Variants in FREM1 observed in about 807,000 individuals in gnomAD.
FREM1 encodes the protein FRAS1-related extracellular matrix protein 1.
Under a neutral mutation model 210.1 loss-of-function variants are expected in FREM1, and 220 were observed. That is an observed-to-expected ratio of 1.05 (90% CI 0.94 to 1.17). The LOEUF is 1.17. FREM1 is among the 50% of genes most tolerant of loss of function. FREM1 has a pLI of 0.00. For missense variants in FREM1, 3,454 were observed against 2,675.5 expected, an observed-to-expected ratio of 1.29 and a Z score of -6.42; for synonymous variants, 1,189 against 980.2, an observed-to-expected ratio of 1.21 and a Z score of -3.98.
At position 14,784,511 on chromosome 9, in the gene FREM1, G is replaced by A; in HGVS notation, c.4301C>T (p.Thr1434Ile). Residue 1434 changes from threonine (T) to isoleucine (I), a missense_variant, in exon 24 of 37, where the codon ACC (threonine) becomes ATC (isoleucine). Physicochemically the swap from Thr to Ile is moderately conservative, Grantham distance 89. Transcript: ENST00000380880. ...GATCTGGCCATATCGCGGAGGGGAG[G>A]TGATGACATAGAGCAGTTCCTCAGG... The part of the protein sequence containing the change: ...DKPEELLYVI[T>I]SPPRYGQIEY... The A allele has an allele frequency of 1.2e-6, 2 of 1,613,876 alleles. No individual in the cohort carries two copies. Among genetic ancestry groups the A allele is most frequent in the African/African-American group, 1.3e-5 (1 of 75,020 alleles).
intron 1 of FREM1, among the ~76,000 whole-genome samples, chr9:14,883,336 T>A (rs1391632583): frequency 6.6e-6 from 1 of 152,214 alleles, no homozygotes; most frequent in Non-Finnish European, 1.5e-5. Context: ...CAACTGAGCC[T>A]AGACTGAAGG....
At chr9:14,778,303 C>G (rs1450289399) in intron 24 of FREM1, among the ~76,000 whole-genome samples, 1 of 151,354 alleles carries the variant, frequency 6.6e-6, no homozygotes, top group Non-Finnish European at 1.5e-5. Context: ...TTATAAAAAT[C>G]AATTATTTAT....
rs1388779999 is a variant in FREM1, at chr9:14,859,232, T to C, written c.582A>G (p.Arg194=). The C allele has an allele frequency of 6.2e-7, 1 of 1,609,460 alleles. No individual in the cohort carries two copies. Among genetic ancestry groups the C allele is most frequent in the African/African-American group, 1.3e-5 (1 of 74,756 alleles). ...GCTGATCTCCACGAGGTTCTTCTGG[T>C]CGAGGCTCCCCGAGAACCATCTGGC... The part of the protein sequence containing the change: ...AHGQMVLGEP[R]PEEPRGDQPH... The change falls in exon 4 of 37, where the codon CGA becomes CGG. Residue 194 remains arginine (R), a synonymous_variant. Transcript: ENST00000380880.
At position 14,841,491 on chromosome 9, in the gene FREM1, C is replaced by T. The variant is rs1825691124; in HGVS notation, c.1837G>A (p.Val613Ile). 3.1e-6 allele frequency: 5 copies of T among 1,611,544 alleles called. No individual in the cohort carries two copies. The highest frequency in any genetic ancestry group is 4.2e-6 in the Non-Finnish European group (5 of 1,178,320). ...GGAGGTTCATGGCTGTCCCACAGGA[C>T]AAATTGAAAAGAATCTTCAAAGATT... ...GEIFEDSFQF[V>I]LWDSHEPPNL... The change falls in exon 10 of 37, where the codon GTC (valine) becomes ATC (isoleucine). Residue 613 changes from valine to isoleucine, a missense_variant. By Grantham distance (29) the Val-to-Ile change is conservative (BLOSUM62 3). Transcript: ENST00000380880.
chr9:14,840,741 C>G (rs1056017382), intron 10 of FREM1, among the ~76,000 whole-genome samples: 7 of 152,142 alleles, frequency 4.6e-5, no homozygotes, highest in Admixed American at 2.6e-4. Flanking sequence ...TTTAAAATCT[C>G]TATTATCAAC....
intron 24 of FREM1, chr9:14,782,327 T>A (rs1223748786): frequency 1.0e-6 from 1 of 977,344 alleles, no homozygotes; most frequent in Admixed American, 6.1e-5. Flanking sequence ...AATCGTTTCA[T>A]ACGGAGGTTT....
intron 1 of FREM1, among the ~76,000 whole-genome samples, chr9:14,875,543 T>A (rs1406286130): frequency 6.6e-6 from 1 of 152,208 alleles, no homozygotes; most frequent in African/African-American, 2.4e-5. Context: ...TTTAAGCACT[T>A]CTCTGTATTG....
At chr9:14,826,873 T>A (rs1822554955) in intron 10 of FREM1, among the ~76,000 whole-genome samples, 1 of 152,184 alleles carries the variant, frequency 6.6e-6, no homozygotes, top group South Asian at 2.1e-4. Context: ...AGAGCAGCCC[T>A]CATCAGACAC....
chr9:14,824,252 T>A, intron 11 of FREM1, 137 bp from the exon 12 acceptor site: 1 of 601,148 alleles, frequency 1.7e-6, no homozygotes, highest in Non-Finnish European at 3.0e-6. Flanking sequence ...TCTCTTTATG[T>A]TGGGAGATTC....
At chr9:14,873,974 G>T (rs1399825188) in intron 1 of FREM1, among the ~76,000 whole-genome samples, 1 of 152,140 alleles carries the variant, frequency 6.6e-6, no homozygotes, top group South Asian at 2.1e-4. Flanking sequence ...GTAGTTGAGT[G>T]GTTTTGAGTG....
At chr9:14,810,302 A>G (rs1489695927) in intron 16 of FREM1, among the ~76,000 whole-genome samples, 1 of 152,222 alleles carries the variant, frequency 6.6e-6, no homozygotes, top group East Asian at 1.9e-4. Context: ...TAATGGAAGC[A>G]TAGGATATAT....
At chr9:14,870,651 A>C (rs1383817867) in intron 1 of FREM1, among the ~76,000 whole-genome samples, 1 of 151,334 alleles carries the variant, frequency 6.6e-6, no homozygotes, top group African/African-American at 2.4e-5. Context: ...TTTTTATTTT[A>C]ATTCATTTTA....
chr9:14,770,486 A>G lies in FREM1; in HGVS notation c.5059+119T>C, dbSNP rs1847338329. 7.3e-6 allele frequency: 5 copies of G among 688,280 alleles called. No homozygotes were observed. The South Asian group carries it at 7.4e-5, about 10-fold the overall frequency. The allele number at this position is 688,280 out of a possible 1,614,324, so 42.6% of individuals were successfully genotyped here. Reference sequence around the variant, plus strand: ...CAATATTGATTTATAAACTGCATCTATCAGTAAGCCCTGGGGAGTGTTTAC... The same window carrying G: ...CAATATTGATTTATAAACTGCATCTGTCAGTAAGCCCTGGGGAGTGTTTAC... On this transcript the variant is annotated intron_variant, in intron 26 of 36. Transcript: ENST00000380880.
At chr9:14,750,006 C>A (rs1027257266) in intron 30 of FREM1, 121 bp downstream of exon 30, 6 of 1,040,334 alleles carry the variant, frequency 5.8e-6, no homozygotes, top group Non-Finnish European at 8.7e-6. Context: ...ACTGAGGGTG[C>A]TTTCTTGACA....
At chr9:14,789,261 ATT>A (rs530561474) in intron 22 of FREM1, 147 bp from the exon 23 acceptor site, 45 of 533,070 alleles carry the variant, frequency 8.4e-5, no homozygotes, top group African/African-American at 8.1e-4. Flanking sequence ...ACTTTACCTG[ATT>A]TTTTTTTCTT....
rs750004053 is a variant in FREM1, at chr9:14,789,042, T to C, written c.4054A>G (p.Arg1352Gly). Residue 1352 changes from arginine to glycine, a missense_variant, in exon 23 of 37, where the codon AGA becomes GGA. Arg to Gly is a moderately radical substitution (Grantham distance 125). Transcript: ENST00000380880. ...TQEEVDLNLL[R>G]YTHTGAMDSQ... ...TCCATTGCCCCGGTGTGTGTGTATC[T>C]CAGCAAGTTCAGATCCACTTCCTCC... is the stretch of plus-strand genomic sequence containing the variant. 6.2e-7 allele frequency: 1 copy of C among 1,609,972 alleles called. No individual in the cohort carries two copies. Among genetic ancestry groups the C allele is most frequent in the Non-Finnish European group, 8.5e-7 (1 of 1,178,128 alleles).
intron 22 of FREM1, among the ~76,000 whole-genome samples, 177 bp downstream of exon 22, chr9:14,792,566 A>G (rs2133074567): frequency 6.6e-6 from 1 of 152,302 alleles, no homozygotes; most frequent in African/African-American, 2.4e-5. Context: ...AATTTACCCC[A>G]TGTTGACAAA....
At chr9:14,866,645 C>CTT (rs1831578972) in intron 2 of FREM1, among the ~76,000 whole-genome samples, 1 of 152,132 alleles carries the variant, frequency 6.6e-6, no homozygotes, top group African/African-American at 2.4e-5. Flanking sequence ...TCCTTCTTCT[C>CTT]TTTTTCACAA....
At chr9:14,764,363 A>C (rs1213440150) in intron 27 of FREM1, among the ~76,000 whole-genome samples, 2 of 152,280 alleles carry the variant, frequency 1.3e-5, no homozygotes, top group Non-Finnish European at 2.9e-5. Context: ...CCCCAACCTT[A>C]CTAACATCAT....
Sources: allele counts gnomAD v4.1 joint callset (sites outside exome capture counted in the v4.1 genomes callset), GRCh38; gene constraint gnomAD v4.1.1; transcripts MANE v1.5; gene names NCBI Gene and HGNC (gene_info 2026-07-23, HGNC 2026-07-21).